The following CDH4 variants were observed in gnomAD, a reference collection of about 807,000 sequenced individuals.
CDH4 encodes cadherin-4.
CDH4 carries 33 observed loss-of-function variants against 86.0 expected under a neutral mutation model. The observed-to-expected ratio is 0.38, with a 90% CI of 0.29 to 0.51. The LOEUF (loss-of-function observed/expected upper bound fraction) is 0.51. Among genes scored for constraint, CDH4 ranks in the 20% least tolerant of loss-of-function variants. The pLI, the probability that CDH4 is intolerant of heterozygous loss-of-function variation, is 0.86. For synonymous variants in CDH4, 555 were observed against 549.4 expected (o/e 1.01, Z -0.14); for missense variants, 1,114 against 1,307.4 (o/e 0.85, Z 2.28).
intron 8 of CDH4, among the ~76,000 whole-genome samples, chr20:61,910,207 C>T (rs557261809): frequency 2.0e-5 from 3 of 151,840 alleles, no homozygotes; most frequent in South Asian, 2.1e-4. Context: ...TGTTTGTGAA[C>T]ACTCCTTGAG....
intron 2 of CDH4, among the ~76,000 whole-genome samples, chr20:61,352,362 T>C (rs2084717841): frequency 6.6e-6 from 1 of 152,232 alleles, no homozygotes; most frequent in Admixed American, 6.5e-5. Flanking sequence ...TATTTAGTCA[T>C]TTTTGGTGAC....
At position 61,544,525 on chromosome 20, in the gene CDH4, T is replaced by A. The variant is rs1001675130; in HGVS notation, c.170-199038T>A. On this transcript the variant is annotated intron_variant, in intron 2 of 15. Coordinates refer to ENST00000614565, the MANE Select transcript of CDH4 (RefSeq NM_001794.5). This position sits in a 1 kb window ranked among gnomAD's most constrained non-coding sequence, Gnocchi z 6.5. Reference sequence around the variant, plus strand: ...ATTATGCATCCAGGAATTAAAGCAGTCCATGCAATGGCAGCCGCCAAGCAG... The same window carrying A: ...ATTATGCATCCAGGAATTAAAGCAGACCATGCAATGGCAGCCGCCAAGCAG... 4.0e-5 allele frequency among the ~76,000 whole-genome samples: 6 copies of A among 151,554 alleles called. No homozygotes were observed. The East Asian group carries it at 1.2e-3, about 30-fold the overall frequency.
intron 3 of CDH4, among the ~76,000 whole-genome samples, chr20:61,769,381 T>G (rs1299402515): frequency 6.6e-6 from 1 of 152,208 alleles, no homozygotes; most frequent in African/African-American, 2.4e-5. Context: ...CTCCCCAGTC[T>G]GGGATTTATG....
chr20:61,690,903 A>T (rs2087645764), intron 2 of CDH4, among the ~76,000 whole-genome samples: 1 of 152,134 alleles, frequency 6.6e-6, no homozygotes, highest in East Asian at 1.9e-4. Context: ...CGGGAGGGGC[A>T]TGTCCTGAGA....
chr20:61,640,821 G>T (rs1235623433), intron 2 of CDH4, among the ~76,000 whole-genome samples: 2 of 152,232 alleles, frequency 1.3e-5, no homozygotes, highest in Admixed American at 1.3e-4. Flanking sequence ...GGTAGCGGGA[G>T]TGTGGGCTAC....
chr20:61,561,792 C>G (rs1207033742), intron 2 of CDH4, among the ~76,000 whole-genome samples: 2 of 152,218 alleles, frequency 1.3e-5, no homozygotes, highest in Non-Finnish European at 2.9e-5. Flanking sequence ...CTGACCCCTG[C>G]TTTAGGAACA....
At chr20:61,385,345 C>CCCCTT (rs2084945004) in intron 2 of CDH4, among the ~76,000 whole-genome samples, 1 of 152,154 alleles carries the variant, frequency 6.6e-6, no homozygotes, top group Non-Finnish European at 1.5e-5. Flanking sequence ...CCACAACCAA[C>CCCCTT]CCCTTCCCTT....
At chr20:61,658,465 G>T (rs2087216146) in intron 2 of CDH4, among the ~76,000 whole-genome samples, 1 of 152,204 alleles carries the variant, frequency 6.6e-6, no homozygotes, top group Non-Finnish European at 1.5e-5. Context: ...TCCACTTGGG[G>T]TGCTCTGATC....
At chr20:61,526,639 C>A in intron 2 of CDH4, among the ~76,000 whole-genome samples, 1 of 114,284 alleles carries the variant, frequency 8.8e-6, no homozygotes, top group South Asian at 3.8e-4. Flanking sequence ...CCAATGCTAT[C>A]CCTCCCCCCT....
chr20:61,420,200 C>G (rs1280573330), intron 2 of CDH4, among the ~76,000 whole-genome samples: 1 of 152,238 alleles, frequency 6.6e-6, no homozygotes, highest in Non-Finnish European at 1.5e-5. Context: ...TCCTCTGCCC[C>G]GAGAGCAAGC....
At chr20:61,429,855 G>C (rs2085236299) in intron 2 of CDH4, among the ~76,000 whole-genome samples, 1 of 152,156 alleles carries the variant, frequency 6.6e-6, no homozygotes, top group Non-Finnish European at 1.5e-5. Flanking sequence ...GGGTGGATGG[G>C]TGGGTAGGAT....
rs548637580 is a variant in CDH4 at position 61,646,683 on chromosome 20, C to T, written c.170-96880C>T. ...AGGGCTACAGACACAGATCAGGCCT[C>T]GGCGCCCCGGCTGCTCGCCTGCCTC... On this transcript the variant is annotated intron_variant, in intron 2 of 15. Coordinates refer to ENST00000614565, the MANE Select transcript of CDH4 (RefSeq NM_001794.5). 3.7e-4 allele frequency among the ~76,000 whole-genome samples: 56 copies of T among 152,352 alleles called. No individual in the cohort carries two copies. The South Asian group carries it at 0.01, about 28-fold the overall frequency.
At chr20:61,863,956 C>G (rs145298264) in intron 6 of CDH4, among the ~76,000 whole-genome samples, 1 of 5,644 alleles carries the variant, frequency 1.8e-4, no homozygotes, top group Non-Finnish European at 4.2e-3. Flanking sequence ...GGCGGGTGGA[C>G]TGGAGCCCTG....
intron 2 of CDH4, among the ~76,000 whole-genome samples, chr20:61,472,935 T>G (rs900194853): frequency 2.6e-5 from 4 of 152,206 alleles, no homozygotes; most frequent in Admixed American, 2.6e-4. Context: ...TTTTACCTAA[T>G]GCTCTTTCAA....
chr20:61,832,649 C>T (rs577290494), intron 4 of CDH4, among the ~76,000 whole-genome samples: 2 of 152,222 alleles, frequency 1.3e-5, no homozygotes, highest in South Asian at 4.2e-4. Context: ...CATCAGATCT[C>T]GTGAGACTCA....
At chr20:61,705,337 C>G (rs2087817848) in intron 2 of CDH4, among the ~76,000 whole-genome samples, 1 of 152,256 alleles carries the variant, frequency 6.6e-6, no homozygotes, top group Admixed American at 6.5e-5. Flanking sequence ...TGGTGTACAA[C>G]AGCCGATCTG....
At chr20:61,332,992 C>T (rs2084591984) in intron 2 of CDH4, among the ~76,000 whole-genome samples, 2 of 152,212 alleles carry the variant, frequency 1.3e-5, no homozygotes, top group African/African-American at 4.8e-5. Context: ...CCTTTCTTCC[C>T]CACCGCTGGG....
chr20:61,609,162 G>C (rs772559954), intron 2 of CDH4, among the ~76,000 whole-genome samples: 4 of 152,236 alleles, frequency 2.6e-5, no homozygotes, highest in Non-Finnish European at 5.9e-5. Flanking sequence ...ATTATAGGAA[G>C]GACATCTCAG....
chr20:61,698,179 G>A (rs887334004), intron 2 of CDH4, among the ~76,000 whole-genome samples: 2 of 152,180 alleles, frequency 1.3e-5, no homozygotes, highest in African/African-American at 4.8e-5. Flanking sequence ...CACTCCGGAC[G>A]GTCCCTGAGA....
Sources: allele counts gnomAD v4.1 joint callset (sites outside exome capture counted in the v4.1 genomes callset), GRCh38; gene constraint gnomAD v4.1.1; non-coding constraint Gnocchi (gnomAD v3.1); transcripts MANE v1.5; gene names NCBI Gene and HGNC (gene_info 2026-07-23, HGNC 2026-07-21).